The following NRXN2 variants were observed in gnomAD, a reference collection of about 807,000 sequenced individuals.
The protein encoded by NRXN2 is neurexin-2-beta.
In NRXN2, 29 loss-of-function variants were observed where a neutral mutation model predicts 128.8. The observed-to-expected ratio is 0.23, with a 90% CI of 0.17 to 0.31. The LOEUF is 0.31. Among genes scored for constraint, NRXN2 ranks in the 10% least tolerant of loss-of-function variants. The probability of loss-of-function intolerance (pLI) is 1.00; values close to 1 mark genes in which losing one functional copy is unlikely to be tolerated. For missense variants in NRXN2, 1,881 were observed against 2,452.6 expected (o/e 0.77, Z 4.92); for synonymous variants, 1,098 against 1,075.2 (o/e 1.02, Z -0.41).
In NRXN2 at chr11:64,632,442, T is replaced by A. The variant is rs1014579971; in HGVS notation, c.3586-1869A>T. 1.3e-5 allele frequency among the ~76,000 whole-genome samples: 2 copies of A among 152,148 alleles called. No homozygotes were observed. The highest frequency in any genetic ancestry group is 2.9e-5 in the Non-Finnish European group (2 of 68,006). On this transcript the variant is annotated intron_variant, in intron 18 of 22. Coordinates refer to ENST00000265459, the MANE Select transcript of NRXN2 (RefSeq NM_015080.4). The surrounding 1 kb of genome is among the most constrained non-coding windows in gnomAD (Gnocchi z 4.2). ...CATCCCCAGGGAGACGGGCTGATCA[T>A]CTGCTCCCCACACACGGGAAGGAAC... is the stretch of plus-strand genomic sequence containing the variant.
Position 64,648,927 on chromosome 11 carries a change from A to G in NRXN2, c.3110-20T>C. On this transcript the variant is annotated intron_variant, in intron 15 of 22. Transcript: ENST00000265459. The surrounding 1 kb of genome is among the most constrained non-coding windows in gnomAD (Gnocchi z 4.1). ...ACTCCCCTGCAAAGGGAGTGGGTCA[A>G]CCAAGGCATCCAGGTCCCCATTCCC... 1 of 1,613,974 alleles carries G rather than the reference A, an allele frequency of 6.2e-7. No homozygotes were observed. Among genetic ancestry groups the G allele is most frequent in the African/African-American group, 1.3e-5 (1 of 75,034 alleles).
intron 9 of NRXN2, among the ~76,000 whole-genome samples, chr11:64,664,954 C>A (rs2049591033): frequency 6.7e-6 from 1 of 149,398 alleles, no homozygotes; most frequent in Non-Finnish European, 1.5e-5. Context: ...CACGCCACTG[C>A]ACTCCAGCCT....
chr11:64,683,619 C>CAAAAAA (rs146075955), intron 6 of NRXN2, among the ~76,000 whole-genome samples: 3 of 75,680 alleles, frequency 4.0e-5, no homozygotes, highest in Non-Finnish European at 6.7e-5. Flanking sequence ...GACTCCATCT[C>CAAAAAA]AAAAAAAAAA....
intron 2 of NRXN2, among the ~76,000 whole-genome samples, chr11:64,705,177 G>T (rs2056097391): frequency 6.6e-6 from 1 of 152,108 alleles, no homozygotes; most frequent in African/African-American, 2.4e-5. Context: ...ATAAAACCTT[G>T]TCCCTAAATA....
At chr11:64,636,961 G>T (rs572368598) in intron 17 of NRXN2, among the ~76,000 whole-genome samples, 109 of 152,236 alleles carry the variant, frequency 7.2e-4, no homozygotes, top group Admixed American at 2.1e-3. Flanking sequence ...GAGTGCTTTG[G>T]GGGGAGCCAC....
chr11:64,694,463 G>T (rs767261765), intron 3 of NRXN2, among the ~76,000 whole-genome samples: 3 of 152,240 alleles, frequency 2.0e-5, no homozygotes, highest in Non-Finnish European at 4.4e-5. Flanking sequence ...CCAAAGGCCT[G>T]GACCCCGTGG....
Position 64,648,099 on chromosome 11 carries a change from G to T in NRXN2, c.3403+120C>A. The stretch of plus-strand genomic sequence containing the variant: ...CTGGGACTCTGCAGACAAGGGATGA[G>T]AAGGAAGAAGCAGCACAGCTCCTGA... On this transcript the variant is annotated intron_variant, in intron 17 of 22. Transcript: ENST00000265459. This position sits in a 1 kb window ranked among gnomAD's most constrained non-coding sequence, Gnocchi z 4.1. 1 of 1,410,972 alleles carries T rather than the reference G, an allele frequency of 7.1e-7. No homozygotes were observed. The highest frequency in any genetic ancestry group is 9.9e-7 in the Non-Finnish European group (1 of 1,009,540). 87.4% of individuals were successfully genotyped at this position (1,410,972 alleles called of 1,614,324 possible). A position where few individuals can be genotyped will look rare whatever the true frequency, so the allele number is the denominator to read the frequency against.
intron 3 of NRXN2, among the ~76,000 whole-genome samples, chr11:64,694,380 G>A (rs1027132056): frequency 6.6e-6 from 1 of 152,372 alleles, no homozygotes. Context: ...TTTCTGAGAC[G>A]AAGCTGGGGG....
rs748042713 is a variant in NRXN2, at chr11:64,630,366, G to C, written c.3757+36C>G. 9.8e-6 allele frequency: 13 copies of C among 1,327,872 alleles called. No homozygotes were observed. In the African/African-American group the frequency reaches 2.0e-4, roughly 20 times the overall value. The allele number at this position is 1,327,872 out of a possible 1,614,324, so 82.3% of individuals were successfully genotyped here. ...CCTATCAGAGGCCGCCACCCGCCCC[G>C]CCACCGCGCCTCCTCCGCGGGCCCG... is the stretch of plus-strand genomic sequence containing the variant. On this transcript the variant is annotated intron_variant, in intron 19 of 22. Coordinates refer to ENST00000265459, the MANE Select transcript of NRXN2 (RefSeq NM_015080.4). This position sits in a 1 kb window ranked among gnomAD's most constrained non-coding sequence, Gnocchi z 4.6.
At chr11:64,639,156 A>C (rs529430553) in intron 17 of NRXN2, among the ~76,000 whole-genome samples, 47 of 152,338 alleles carry the variant, frequency 3.1e-4, no homozygotes, top group Non-Finnish European at 5.9e-4. Flanking sequence ...CATCCTGCAC[A>C]ACCCAGAAAA....
chr11:64,664,627 A>C, intron 9 of NRXN2, among the ~76,000 whole-genome samples: 1 of 152,226 alleles, frequency 6.6e-6, no homozygotes, highest in South Asian at 2.1e-4. Flanking sequence ...ATAGAAAAAA[A>C]AATGGAAAAG....
At position 64,632,082 on chromosome 11, in the gene NRXN2, T is replaced by C. The variant is rs978431087; in HGVS notation, c.3586-1509A>G. ...CCTGCATCTAGCAGAGCCGAGAGGC[T>C]TGGTGGCACTGGGGGTGTTGGCAGG... On this transcript the variant is annotated intron_variant, in intron 18 of 22. Coordinates refer to ENST00000265459, the MANE Select transcript of NRXN2 (RefSeq NM_015080.4). The surrounding 1 kb of genome is among the most constrained non-coding windows in gnomAD (Gnocchi z 4.2). Among the ~76,000 whole-genome samples, 1 of 152,202 alleles carries C rather than the reference T, an allele frequency of 6.6e-6. No individual in the cohort carries two copies. Among genetic ancestry groups the C allele is most frequent in the Non-Finnish European group, 1.5e-5 (1 of 68,028 alleles).
At chr11:64,689,906 G>A (rs200835259) in intron 5 of NRXN2, among the ~76,000 whole-genome samples, 1 of 151,536 alleles carries the variant, frequency 6.6e-6, no homozygotes, top group African/African-American at 2.4e-5. Context: ...ATAGTGGCTT[G>A]TAAACTTCTT....
At chr11:64,616,616 T>C (rs2041572108) in intron 22 of NRXN2, among the ~76,000 whole-genome samples, 2 of 152,186 alleles carry the variant, frequency 1.3e-5, no homozygotes, top group African/African-American at 4.8e-5. Flanking sequence ...TAAGCACATA[T>C]TCACACACAC....
intron 1 of NRXN2, among the ~76,000 whole-genome samples, chr11:64,721,601 ACAGTTAG>A (rs1209368233): frequency 6.6e-6 from 1 of 152,122 alleles, no homozygotes; most frequent in African/African-American, 2.4e-5. Context: ...AGAAGGCCTC[ACAGTTAG>A]CAGACTGCAG....
Position 64,622,013 on chromosome 11 carries a change from T to G in NRXN2, c.4173+740A>C, listed in dbSNP as rs1452832631. ...GCCCCTCCTCCCTACCAGTCTGTGC[T>G]GCAGGAAGCCTGGGACTAGGCTAGC... is the stretch of plus-strand genomic sequence containing the variant. On this transcript the variant is annotated intron_variant, in intron 21 of 22. Transcript: ENST00000265459. This position sits in a 1 kb window ranked among gnomAD's most constrained non-coding sequence, Gnocchi z 4.3. Among the ~76,000 whole-genome samples the G allele has an allele frequency of 2.0e-5, 3 of 152,040 alleles. No individual in the cohort carries two copies. The highest frequency in any genetic ancestry group is 2.9e-5 in the Non-Finnish European group (2 of 67,984).
chr11:64,720,153 C>T (rs534749539), intron 1 of NRXN2, among the ~76,000 whole-genome samples: 1 of 152,326 alleles, frequency 6.6e-6, no homozygotes, highest in Non-Finnish European at 1.5e-5. Context: ...CCACCTTCAC[C>T]CTCACCCCAC....
At chr11:64,701,645 G>A (rs1185000059) in intron 2 of NRXN2, among the ~76,000 whole-genome samples, 1 of 152,142 alleles carries the variant, frequency 6.6e-6, no homozygotes, top group Non-Finnish European at 1.5e-5. Context: ...AGACTGAGGT[G>A]GGAGAATCAC....
chr11:64,697,940 C>A, intron 2 of NRXN2, 148 bp from the exon 3 acceptor site: 1 of 849,868 alleles, frequency 1.2e-6, no homozygotes, highest in Non-Finnish European at 1.9e-6. Context: ...ATGTGGAAGG[C>A]CCAAATCTCA....
Sources: allele counts gnomAD v4.1 joint callset (sites outside exome capture counted in the v4.1 genomes callset), GRCh38; gene constraint gnomAD v4.1.1; non-coding constraint Gnocchi (gnomAD v3.1); transcripts MANE v1.5; gene names NCBI Gene and HGNC (gene_info 2026-07-23, HGNC 2026-07-21).